Variants in EMC2 observed in about 807,000 individuals in gnomAD.
EMC2 encodes the protein ER membrane protein complex subunit 2.
A neutral mutation model predicts 51.6 loss-of-function variants in EMC2; 37 were observed. The ratio of observed to expected loss-of-function variants is 0.72; its 90% CI spans 0.55 to 0.94. The LOEUF is 0.94. Among genes scored for constraint, EMC2 ranks in the 40% least tolerant of loss-of-function variants. EMC2 has a pLI of 0.00. For missense variants in EMC2, 359 were observed against 350.9 expected, an observed-to-expected ratio of 1.02 and a Z score of -0.18; for synonymous variants, 131 against 112.4, an observed-to-expected ratio of 1.17 and a Z score of -1.04.
At chr8:108,454,286 T>A (rs1819101030) in intron 4 of EMC2, among the ~76,000 whole-genome samples, 1 of 152,136 alleles carries the variant, frequency 6.6e-6, no homozygotes, top group East Asian at 1.9e-4. Context: ...TTATTTTTTC[T>A]TTTGTCATTT....
intron 4 of EMC2, among the ~76,000 whole-genome samples, chr8:108,453,378 G>A (rs1473776431): frequency 2.6e-5 from 4 of 152,068 alleles, no homozygotes; most frequent in South Asian, 2.1e-4. Context: ...AAAAAATTGC[G>A]TTATTTTACC....
At chr8:108,455,990 C>T (rs893953994) in intron 5 of EMC2, 60 bp downstream of exon 5, 58 of 654,400 alleles carry the variant, frequency 8.9e-5, no homozygotes, top group Middle Eastern at 5.8e-4. Flanking sequence ...TAAAATTAAT[C>T]GAGGAAATAA....
intron 1 of EMC2, among the ~76,000 whole-genome samples, chr8:108,448,124 C>G (rs926372201): frequency 6.6e-6 from 1 of 151,990 alleles, no homozygotes; most frequent in Non-Finnish European, 1.5e-5. Context: ...TCAAAATCAA[C>G]TTAAAAACAA....
chr8:108,484,581 T>C (rs1489619596), intron 10 of EMC2, among the ~76,000 whole-genome samples: 1 of 151,910 alleles, frequency 6.6e-6, no homozygotes, highest in Non-Finnish European at 1.5e-5. Context: ...CTCTACATAA[T>C]TTTTTTTATT....
At position 108,478,456 on chromosome 8, in the gene EMC2, G is replaced by A. The variant is rs138227830; in HGVS notation, c.703-550G>A. Among the ~76,000 whole-genome samples, 1,487 of 152,034 alleles carry A rather than the reference G, an allele frequency of 9.8e-3. 77 individuals carry two copies. The highest frequency in any genetic ancestry group is 0.09 in the Admixed American group (1,363 of 15,226). ...AAAAGAGAAATGGATTAGAGATAAG[G>A]ATCTTCTTTATTTCGAAGACCCATT... On this transcript the variant is annotated intron_variant, in intron 9 of 10. Coordinates refer to ENST00000220853, the MANE Select transcript of EMC2 (RefSeq NM_014673.5).
chr8:108,457,681 G>T (rs2130356552), intron 5 of EMC2, among the ~76,000 whole-genome samples: 1 of 152,172 alleles, frequency 6.6e-6, no homozygotes, highest in Middle Eastern at 3.4e-3. Flanking sequence ...CCATAATTCA[G>T]TCACCTCCCA....
intron 7 of EMC2, chr8:108,470,841 T>C (rs1810841409): frequency 6.6e-6 from 1 of 152,038 alleles, no homozygotes; most frequent in South Asian, 2.1e-4. Context: ...TTTCTTTTCC[T>C]TCTTTTTGAC....
chr8:108,486,753 A>T lies in EMC2; in HGVS notation c.*155A>T, dbSNP rs994104383. The T allele has an allele frequency of 8.1e-6, 6 of 737,320 alleles. No individual in the cohort carries two copies. In the African/African-American group the frequency reaches 1.1e-4, roughly 14 times the overall value. 45.7% of individuals were successfully genotyped at this position (737,320 alleles called of 1,614,324 possible). A position where few individuals can be genotyped will look rare whatever the true frequency, so the allele number is the denominator to read the frequency against. The stretch of plus-strand genomic sequence containing the variant: ...AGAATGTGTTTATATAAACCTAAAA[A>T]TGCCTTTTACTGCTAAGTGGGGAGA... On this transcript the variant is annotated 3_prime_UTR_variant, in exon 11 of 11. Transcript: ENST00000220853.
chr8:108,482,009 A>C (rs1446395858), intron 10 of EMC2, among the ~76,000 whole-genome samples: 2 of 152,184 alleles, frequency 1.3e-5, no homozygotes, highest in African/African-American at 4.8e-5. Flanking sequence ...TTTTGGTGGA[A>C]TATATGTGCA....
At chr8:108,459,698 C>A (rs1340407053) in intron 5 of EMC2, among the ~76,000 whole-genome samples, 2 of 70,806 alleles carry the variant, frequency 2.8e-5, no homozygotes, top group African/African-American at 1.1e-4. Context: ...CACAGCCAAG[C>A]CATGTGAGAG....
intron 5 of EMC2, among the ~76,000 whole-genome samples, chr8:108,459,460 A>G (rs1273682073): frequency 6.6e-6 from 1 of 152,198 alleles, no homozygotes; most frequent in Non-Finnish European, 1.5e-5. Context: ...CAGTCATGGT[A>G]GAAGGCAAGG....
chr8:108,482,389 A>G (rs1268310448), intron 10 of EMC2, among the ~76,000 whole-genome samples: 1 of 151,782 alleles, frequency 6.6e-6, no homozygotes, highest in Non-Finnish European at 1.5e-5. Flanking sequence ...TGCTCATATG[A>G]TCTTGATGAA....
rs766549608 is a variant in EMC2, at chr8:108,443,640, G to T, written c.-19G>T. 36 of 1,605,352 alleles carry T rather than the reference G, an allele frequency of 2.2e-5. No individual in the cohort carries two copies. Among genetic ancestry groups the T allele is most frequent in the Admixed American group, 1.5e-4 (9 of 58,978 alleles). ...CGTCTCCCCGCCCTCTCACCCCGCT[G>T]CCTCTAGGTTCTGGGAAGATGGCGA... On this transcript the variant is annotated 5_prime_UTR_variant, in exon 1 of 11. Transcript: ENST00000220853.
At chr8:108,453,570 A>G (rs1819082387) in intron 4 of EMC2, among the ~76,000 whole-genome samples, 1 of 151,748 alleles carries the variant, frequency 6.6e-6, no homozygotes, top group Admixed American at 6.6e-5. Context: ...ATGCTTAGTC[A>G]TTCTTTTGTC....
intron 1 of EMC2, among the ~76,000 whole-genome samples, chr8:108,449,265 A>C (rs377081624): frequency 1.8e-4 from 25 of 135,612 alleles, no homozygotes; most frequent in Non-Finnish European, 3.1e-4. Flanking sequence ...GGCGGGTGCC[A>C]CCATGCTGCC....
chr8:108,479,112 T>A lies in EMC2; in HGVS notation c.807+2T>A. The stretch of plus-strand genomic sequence containing the variant: ...AGTCAAATAAACAGAGCTTATCAGG[T>A]TAGTATTTATTGATCATTTTGCTAT... On this transcript the variant is annotated splice_donor_variant, in intron 10 of 10. Transcript: ENST00000220853. LOFTEE classifies it high-confidence loss of function. 1 of 1,490,290 alleles carries A rather than the reference T, an allele frequency of 6.7e-7. No homozygotes were observed. The highest frequency in any genetic ancestry group is 9.1e-7 in the Non-Finnish European group (1 of 1,101,784). The allele number at this position is 1,490,290 out of a possible 1,614,324, so 92.3% of individuals were successfully genotyped here.
intron 10 of EMC2, among the ~76,000 whole-genome samples, chr8:108,486,122 GA>G (rs1811133165): frequency 6.6e-6 from 1 of 151,842 alleles, no homozygotes. Flanking sequence ...AATCTGTTTA[GA>G]CATCAGACAA....
At chr8:108,456,997 T>TA (rs1160825809) in intron 5 of EMC2, among the ~76,000 whole-genome samples, 1 of 152,190 alleles carries the variant, frequency 6.6e-6, no homozygotes, top group Non-Finnish European at 1.5e-5. Context: ...AGTATTTCTT[T>TA]AAAAATATAC....
intron 5 of EMC2, among the ~76,000 whole-genome samples, chr8:108,459,700 A>ATG (rs1234464495): frequency 2.3e-4 from 11 of 47,040 alleles, no homozygotes; most frequent in Middle Eastern, 0.014. Context: ...CAGCCAAGCC[A>ATG]TGTGAGAGAG....
Sources: allele counts gnomAD v4.1 joint callset (sites outside exome capture counted in the v4.1 genomes callset), GRCh38; gene constraint gnomAD v4.1.1; transcripts MANE v1.5; gene names NCBI Gene and HGNC (gene_info 2026-07-23, HGNC 2026-07-21).